GLB1: variants seen among roughly 807,000 people sequenced by gnomAD.
The protein encoded by GLB1 is beta-galactosidase.
Under a neutral mutation model 74.0 loss-of-function variants are expected in GLB1, and 56 were observed. The observed-to-expected ratio is 0.76, with a 90% CI of 0.61 to 0.94. GLB1 has a LOEUF of 0.94. GLB1 is among the 40% of genes least tolerant of loss of function. The pLI is 0.00. For missense variants in GLB1, 787 were observed against 845.5 expected (o/e 0.93, Z 0.86); for synonymous variants, 323 against 323.6 (o/e 1.00, Z 0.02).
At chr3:32,969,847 C>T in the GLB1 span, among the ~76,000 whole-genome samples, 3 of 152,250 alleles carry the variant, frequency 2.0e-5, no homozygotes. Flanking sequence ...TGTAAACAAA[C>T]AGTGTTTAAC....
In GLB1 at chr3:33,068,986, C is replaced by G. The variant is rs1322541955; in HGVS notation, c.246-16G>C. 2 of 1,614,180 alleles carry G rather than the reference C, an allele frequency of 1.2e-6. No homozygotes were observed. The highest frequency in any genetic ancestry group is 2.2e-5 in the South Asian group (2 of 91,072). Reference sequence around the variant, plus strand: ...GGGCACATACCTGCCAAGACACACACAGCCCCTTCCTGGATACTTGGCAGA... The same window carrying G: ...GGGCACATACCTGCCAAGACACACAGAGCCCCTTCCTGGATACTTGGCAGA... On this transcript the variant is annotated splice_polypyrimidine_tract_variant and intron_variant, in intron 2 of 15. Transcript: ENST00000307363.
At chr3:33,009,154 T>TAAATAAATAAATAAATAAATAAAA (rs761134064) in intron 15 of GLB1, among the ~76,000 whole-genome samples, 238 of 131,594 alleles carry the variant, frequency 1.8e-3, no homozygotes, top group Non-Finnish European at 2.5e-3. Context: ...AATAAATAAA[T>TAAATAAATAAATAAATAAATAAAA]AAAAAAGATT....
Position 33,023,657 on chromosome 3 carries a change from T to C in GLB1, c.1143+594A>G, listed in dbSNP as rs546689604. Among the ~76,000 whole-genome samples, 3 of 152,292 alleles carry C rather than the reference T, an allele frequency of 2.0e-5. No homozygotes were observed. The South Asian group carries it at 6.2e-4, about 32-fold the overall frequency. On this transcript the variant is annotated intron_variant, in intron 11 of 15. Transcript: ENST00000307363. ...GGTCAAAACAAATTGACTTTGGCTA[T>C]GTCACTCCTCTGACTATTAAGTAAA...
At chr3:33,078,609 G>A (rs547682723) in intron 1 of GLB1, among the ~76,000 whole-genome samples, 1 of 152,262 alleles carries the variant, frequency 6.6e-6, no homozygotes, top group African/African-American at 2.4e-5. Context: ...TGATTCAGTT[G>A]TTCCAACAAA....
At chr3:33,073,444 T>C (rs1238455061) in intron 1 of GLB1, among the ~76,000 whole-genome samples, 2 of 152,188 alleles carry the variant, frequency 1.3e-5, no homozygotes, top group African/African-American at 2.4e-5. Flanking sequence ...TCCCAGAACT[T>C]TGGGAGGCCA....
At position 32,996,887 on chromosome 3, in the gene GLB1, G is replaced by C; in HGVS notation, c.*158C>G. 7.3e-7 allele frequency: 1 copy of C among 1,374,608 alleles called. No individual in the cohort carries two copies. The highest frequency in any genetic ancestry group is 1.4e-5 in the African/African-American group (1 of 70,296). The allele number at this position is 1,374,608 out of a possible 1,614,324, so 85.2% of individuals were successfully genotyped here. A position where few individuals can be genotyped will look rare whatever the true frequency, so the allele number is the denominator to read the frequency against. ...ATTCCAGGTGGTCCCTGAAGGTGGGGCTTTGGCACTGCAGGGATGCAGGGA... is the reference window on the plus strand; with the variant it reads ...ATTCCAGGTGGTCCCTGAAGGTGGGCCTTTGGCACTGCAGGGATGCAGGGA... On this transcript the variant is annotated 3_prime_UTR_variant, in exon 16 of 16. Coordinates refer to ENST00000307363, the MANE Select transcript of GLB1 (RefSeq NM_000404.4).
intron 1 of GLB1, chr3:33,091,505 A>G (rs550185272): frequency 2.0e-6 from 2 of 985,496 alleles, no homozygotes; most frequent in African/African-American, 3.5e-5. Flanking sequence ...ACCTGTGCCC[A>G]ACAGAGTTCC....
intron 15 of GLB1, among the ~76,000 whole-genome samples, chr3:33,005,976 T>C (rs1696772300): frequency 6.6e-6 from 1 of 152,198 alleles, no homozygotes; most frequent in Non-Finnish European, 1.5e-5. Context: ...CAAAGCATAA[T>C]TTTGGTTAAG....
At chr3:32,966,665 A>G in the GLB1 span, among the ~76,000 whole-genome samples, 1 of 152,174 alleles carries the variant, frequency 6.6e-6, no homozygotes, top group Non-Finnish European at 1.5e-5. Context: ...GCAGAATGAT[A>G]TGGTTTGGCT....
intron 1 of GLB1, chr3:33,092,882 C>T (rs1312903004): frequency 4.3e-6 from 7 of 1,613,506 alleles, no homozygotes; most frequent in Non-Finnish European, 5.1e-6. Context: ...CCCTGCTACC[C>T]AGCCTCATGG....
chr3:33,054,944 G>A (rs1033812964), intron 6 of GLB1, among the ~76,000 whole-genome samples: 2 of 152,214 alleles, frequency 1.3e-5, no homozygotes, highest in African/African-American at 2.4e-5. Context: ...CAGGGTGGAC[G>A]TGGCCCCAGC....
At chr3:33,012,875 T>G (rs904725840) in intron 15 of GLB1, among the ~76,000 whole-genome samples, 5 of 152,310 alleles carry the variant, frequency 3.3e-5, no homozygotes, top group Admixed American at 3.3e-4. Flanking sequence ...ATCTCCATCT[T>G]AGATACCACC....
chr3:32,984,178 A>G, the GLB1 span, among the ~76,000 whole-genome samples: 1 of 152,160 alleles, frequency 6.6e-6, no homozygotes. Flanking sequence ...CACTAGGGCT[A>G]GCCTCTGCTT....
At chr3:33,049,840 A>G (rs1476174087) in intron 9 of GLB1, among the ~76,000 whole-genome samples, 1 of 152,140 alleles carries the variant, frequency 6.6e-6, no homozygotes, top group Non-Finnish European at 1.5e-5. Context: ...TGAGTTTTGC[A>G]ATATCTTCAT....
At chr3:32,990,800 C>T in the GLB1 span, among the ~76,000 whole-genome samples, 5 of 152,016 alleles carry the variant, frequency 3.3e-5, no homozygotes, top group East Asian at 5.8e-4. Context: ...GGTGAAACCC[C>T]GTCTCTACTA....
intron 15 of GLB1, among the ~76,000 whole-genome samples, chr3:33,003,629 A>G (rs1340436350): frequency 6.6e-6 from 1 of 152,238 alleles, no homozygotes; most frequent in Non-Finnish European, 1.5e-5. Flanking sequence ...GACAAAAAAG[A>G]AGTTTAACAA....
chr3:33,054,865 TCCACACCAA>T (rs1699149743), intron 6 of GLB1, among the ~76,000 whole-genome samples: 1 of 152,098 alleles, frequency 6.6e-6, no homozygotes, highest in Non-Finnish European at 1.5e-5. Context: ...ATGAGCAGTG[TCCACACCAA>T]CCCGAGCAGA....
intron 2 of GLB1, among the ~76,000 whole-genome samples, chr3:33,071,003 C>T (rs1699867960): frequency 6.6e-6 from 1 of 152,168 alleles, no homozygotes; most frequent in South Asian, 2.1e-4. Flanking sequence ...CCTAGATCCT[C>T]TGACAAAAGA....
chr3:33,042,259 A>G (rs1479891593), intron 10 of GLB1, among the ~76,000 whole-genome samples: 2 of 151,508 alleles, frequency 1.3e-5, no homozygotes, highest in Non-Finnish European at 2.9e-5. Flanking sequence ...GCTCTGCTCA[A>G]CTCCTCAATG....
Sources: gnomAD v4.1 joint callset for allele counts (sites outside exome capture counted in the v4.1 genomes callset) on GRCh38, gnomAD v4.1.1 for gene constraint, MANE v1.5 for transcripts, NCBI Gene and HGNC (gene_info 2026-07-23, HGNC 2026-07-21) for gene names.